OC90: variants seen among roughly 807,000 people sequenced by gnomAD.
OC90 encodes otoconin 90.
Under a neutral mutation model 47.3 loss-of-function variants are expected in OC90, and 46 were observed. The ratio of observed to expected loss-of-function variants is 0.97; its 90% CI spans 0.77 to 1.24. The LOEUF (loss-of-function observed/expected upper bound fraction) is 1.24. Ranked by LOEUF, OC90 falls within the 50% of genes most tolerant of loss-of-function variation. The pLI is 0.00. For missense variants in OC90, 688 were observed against 583.9 expected, an observed-to-expected ratio of 1.18 and a Z score of -1.84; for synonymous variants, 271 against 219.5, an observed-to-expected ratio of 1.23 and a Z score of -2.07.
chr8:132,053,704 T>G (rs1241612242), intron 2 of OC90, among the ~76,000 whole-genome samples: 1 of 151,948 alleles, frequency 6.6e-6, no homozygotes, highest in African/African-American at 2.4e-5. Context: ...CACATGGTGG[T>G]GTGATGTGGG....
At chr8:132,043,187 T>A (rs7002744) in intron 4 of OC90, among the ~76,000 whole-genome samples, 96,468 of 152,032 alleles carry the variant, frequency 0.63, 30,976 homozygotes, top group East Asian at 0.75. Context: ...TTGAGCATCC[T>A]TTAGGTGTCA....
rs1472482856 is a variant in OC90, at chr8:132,028,639, AAAGGAAGGAAGG to A, written c.1138+422_1138+433del. ...GGAGGAAGGAAGGAAGGAAGGAAAGAAAGGAAGGAAGGAAGAAAGAAAGAAAGAGAGACAGAA... is the reference window on the plus strand; with the variant it reads ...GGAGGAAGGAAGGAAGGAAGGAAAGAAAGAAAGAAAGAAAGAGAGACAGAA... On this transcript the variant is annotated intron_variant, in intron 13 of 13. Coordinates refer to ENST00000254627, the MANE Select transcript of OC90 (RefSeq NM_001080399.3). Among the ~76,000 whole-genome samples, 542 of 129,264 alleles carry A rather than the reference AAAGGAAGGAAGG, an allele frequency of 4.2e-3. 16 individuals carry two copies. The highest frequency in any genetic ancestry group is 0.014 in the African/African-American group (483 of 33,820). 84.8% of individuals were successfully genotyped at this position (129,264 alleles called of 152,430 possible). A position where few individuals can be genotyped will look rare whatever the true frequency, so the allele number is the denominator to read the frequency against.
rs145397865 is a variant in OC90 at position 132,043,402 on chromosome 8, G to A, written c.169+1031C>T. On this transcript the variant is annotated intron_variant, in intron 4 of 13. Coordinates refer to ENST00000254627, the MANE Select transcript of OC90 (RefSeq NM_001080399.3). ...ACCGAAGGCCAAACACATGCCTAAG[G>A]CATCAACCAGGGATAATGATTTGCC... Among the ~76,000 whole-genome samples the A allele has an allele frequency of 4.8e-3, 733 of 152,310 alleles. 11 individuals are homozygous for A. The highest frequency in any genetic ancestry group is 0.017 in the African/African-American group (707 of 41,552).
intron 8 of OC90, among the ~76,000 whole-genome samples, chr8:132,038,512 G>T (rs1823003116): frequency 6.6e-6 from 1 of 152,230 alleles, no homozygotes; most frequent in African/African-American, 2.4e-5. Flanking sequence ...TGAGAAAGGG[G>T]AGAGAATGAA....
chr8:132,028,066 T>C (rs923738287), intron 13 of OC90, among the ~76,000 whole-genome samples: 5 of 152,186 alleles, frequency 3.3e-5, no homozygotes, highest in Admixed American at 2.0e-4. Context: ...TTAACATACA[T>C]TAAGAGCTGA....
intron 9 of OC90, among the ~76,000 whole-genome samples, chr8:132,036,787 C>T (rs887224588): frequency 2.6e-5 from 4 of 152,230 alleles, no homozygotes; most frequent in South Asian, 2.1e-4. Context: ...CTCTGAATCT[C>T]GATCACCTGT....
chr8:132,029,889 C>T (rs1000251746), intron 12 of OC90, among the ~76,000 whole-genome samples: 4 of 152,214 alleles, frequency 2.6e-5, no homozygotes, highest in Non-Finnish European at 1.5e-5. Flanking sequence ...CCCAAATACT[C>T]CCTTTTCAAC....
chr8:132,025,891 T>G (rs970753479), intron 13 of OC90, among the ~76,000 whole-genome samples: 2 of 152,196 alleles, frequency 1.3e-5, no homozygotes, highest in Non-Finnish European at 2.9e-5. Context: ...ACTCAAACCT[T>G]GAAAAATATT....
intron 4 of OC90, 54 bp downstream of exon 4, chr8:132,044,379 G>T (rs896465382): frequency 7.0e-5 from 69 of 991,320 alleles, no homozygotes; most frequent in Non-Finnish European, 1.0e-4. Flanking sequence ...CCTTAGATTT[G>T]TCCACACATG....
At position 132,028,563 on chromosome 8, in the gene OC90, A is replaced by AAAGAAAGGAAGGAAGGAAGG. The variant is rs1354516292; in HGVS notation, c.1138+509_1138+510insCCTTCCTTCCTTCCTTTCTT. Among the ~76,000 whole-genome samples the AAAGAAAGGAAGGAAGGAAGG allele has an allele frequency of 2.7e-3, 86 of 31,280 alleles. No homozygotes were observed. In the East Asian group the frequency reaches 0.029, roughly 10 times the overall value. 20.5% of individuals were successfully genotyped at this position (31,280 alleles called of 152,430 possible). ...GAAAGAAAGAAAGAAAGAAAGAAAG[A>AAAGAAAGGAAGGAAGGAAGG]AAGGAAGGAAGGAAGGAAGGAAGGA... On this transcript the variant is annotated intron_variant, in intron 13 of 13. Coordinates refer to ENST00000254627, the MANE Select transcript of OC90 (RefSeq NM_001080399.3).
chr8:132,031,800 T>C, intron 12 of OC90, 81 bp downstream of exon 12: 1 of 1,261,100 alleles, frequency 7.9e-7, no homozygotes. Flanking sequence ...CAGCCTGGTG[T>C]CCAGGAGGGC....
intron 5 of OC90, 150 bp downstream of exon 5, chr8:132,041,375 G>T: frequency 2.9e-6 from 2 of 683,706 alleles, no homozygotes; most frequent in Non-Finnish European, 5.0e-6. Context: ...ATGTAAAGAT[G>T]AGTCACCCAA....
In OC90 at chr8:132,032,988, C is replaced by A; in HGVS notation, c.859+51G>T. ...GGTGGCCTACGGTGATTGTTCACAG[C>A]CTCACCAAAAGATCCCAGCAGCGGA... On this transcript the variant is annotated intron_variant, in intron 11 of 13. Coordinates refer to ENST00000254627, the MANE Select transcript of OC90 (RefSeq NM_001080399.3). 4 of 1,584,190 alleles carry A rather than the reference C, an allele frequency of 2.5e-6. No individual in the cohort carries two copies. The South Asian group carries it at 3.5e-5, about 14-fold the overall frequency.
chr8:132,028,672 C>T (rs202010991), intron 13 of OC90, among the ~76,000 whole-genome samples: 1 of 51,248 alleles, frequency 2.0e-5, no homozygotes, highest in Non-Finnish European at 3.6e-5. Flanking sequence ...GAAAGAGAGA[C>T]AGAAAGAAAG....
At chr8:132,036,878 A>G (rs1380553032) in intron 9 of OC90, among the ~76,000 whole-genome samples, 1 of 152,244 alleles carries the variant, frequency 6.6e-6, no homozygotes, top group African/African-American at 2.4e-5. Flanking sequence ...CAAGCTGCCC[A>G]GTATCCAGCC....
At chr8:132,041,334 A>G (rs112649390) in intron 5 of OC90, among the ~76,000 whole-genome samples, 178 bp from the exon 6 acceptor site, 50 of 152,350 alleles carry the variant, frequency 3.3e-4, no homozygotes, top group Middle Eastern at 6.8e-3. Context: ...ATAACTTTTT[A>G]GAGTGAGAGC....
intron 2 of OC90, among the ~76,000 whole-genome samples, chr8:132,052,102 G>A (rs975153885): frequency 1.3e-5 from 2 of 152,112 alleles, no homozygotes; most frequent in South Asian, 2.1e-4. Flanking sequence ...AGCTGACCAC[G>A]CATTTCTCAG....
In OC90 at chr8:132,044,612, G is replaced by A. The variant is rs546333254; in HGVS notation, c.113-123C>T. On this transcript the variant is annotated intron_variant, in intron 3 of 13. Coordinates refer to ENST00000254627, the MANE Select transcript of OC90 (RefSeq NM_001080399.3). ...ATTCTCCAAAGAAAAAATTGACCTT[G>A]GGCTAAGCTAGCTTTCTACTAACAC... 2.8e-4 allele frequency: 176 copies of A among 639,652 alleles called. 2 individuals carry two copies. The South Asian group carries it at 3.2e-3, about 12-fold the overall frequency. 39.6% of individuals were successfully genotyped at this position (639,652 alleles called of 1,614,324 possible).
At chr8:132,044,935 A>AT (rs1206273158) in intron 3 of OC90, among the ~76,000 whole-genome samples, 2 of 152,250 alleles carry the variant, frequency 1.3e-5, no homozygotes, top group Non-Finnish European at 2.9e-5. Flanking sequence ...GCTGCTCCAC[A>AT]TAAGTCCCAT....
Sources: allele counts gnomAD v4.1 joint callset (sites outside exome capture counted in the v4.1 genomes callset), GRCh38; gene constraint gnomAD v4.1.1; transcripts MANE v1.5; gene names NCBI Gene and HGNC (gene_info 2026-07-23, HGNC 2026-07-21).